UBE2E2: variants seen among roughly 807,000 people sequenced by gnomAD.
UBE2E2 encodes the protein ubiquitin-conjugating enzyme E2 E2.
In UBE2E2, 6 loss-of-function variants were observed where a neutral mutation model predicts 24.7. The observed-to-expected ratio is 0.24, with a 90% CI of 0.13 to 0.48. UBE2E2 has a LOEUF of 0.48. Ranked by LOEUF, UBE2E2 falls within the 20% of genes least tolerant of loss-of-function variation. The probability of loss-of-function intolerance (pLI) is 0.99; values close to 1 mark genes in which losing one functional copy is unlikely to be tolerated. For missense variants in UBE2E2, 169 were observed against 245.0 expected (o/e 0.69, Z 2.07); for synonymous variants, 104 against 83.6 (o/e 1.24, Z -1.33).
chr3:23,409,881 A>G (rs1697458774), intron 3 of UBE2E2, among the ~76,000 whole-genome samples: 1 of 152,144 alleles, frequency 6.6e-6, no homozygotes, highest in African/African-American at 2.4e-5. Flanking sequence ...GTCATCACAC[A>G]GCCTTTTTCC....
chr3:23,553,780 C>G (rs1184245587), intron 5 of UBE2E2, among the ~76,000 whole-genome samples: 3 of 151,976 alleles, frequency 2.0e-5, no homozygotes, highest in African/African-American at 7.3e-5. Flanking sequence ...GAAAAGAAAT[C>G]AAAACAATCC....
chr3:23,517,168 T>A (rs535039820), intron 4 of UBE2E2, among the ~76,000 whole-genome samples: 1 of 152,160 alleles, frequency 6.6e-6, no homozygotes, highest in Non-Finnish European at 1.5e-5. Flanking sequence ...TTGAACTGTT[T>A]ATTTGAAGTA....
At chr3:23,355,146 T>G (rs926185510) in intron 3 of UBE2E2, among the ~76,000 whole-genome samples, 6 of 149,116 alleles carry the variant, frequency 4.0e-5, no homozygotes, top group Non-Finnish European at 7.4e-5. Flanking sequence ...AACAAACACC[T>G]CATGTTCTCA....
At chr3:23,568,780 C>A in intron 5 of UBE2E2, among the ~76,000 whole-genome samples, 1 of 145,852 alleles carries the variant, frequency 6.9e-6, no homozygotes, top group Non-Finnish European at 1.5e-5. Context: ...ACCTGGATAC[C>A]TGGTGGGTAT....
chr3:23,571,280 C>CTTTCTTTTTTTTTTTTTTTTT (rs1696218039), intron 5 of UBE2E2, among the ~76,000 whole-genome samples: 16 of 29,882 alleles, frequency 5.4e-4, no homozygotes, highest in Admixed American at 1.4e-3. Context: ...GTGCTCCTTT[C>CTTTCTTTTTTTTTTTTTTTTT]TTTTTTTTTT....
At chr3:23,292,161 T>C (rs1447473413) in intron 3 of UBE2E2, among the ~76,000 whole-genome samples, 2 of 152,066 alleles carry the variant, frequency 1.3e-5, no homozygotes, top group African/African-American at 4.8e-5. Context: ...GTATTTTTAG[T>C]AGGGATGGGG....
chr3:23,554,122 TC>T (rs1483583104), intron 5 of UBE2E2, among the ~76,000 whole-genome samples: 1 of 152,116 alleles, frequency 6.6e-6, no homozygotes, highest in Non-Finnish European at 1.5e-5. Context: ...ATATCACACT[TC>T]CTAATTTTAA....
At chr3:23,270,342 A>G (rs1329863709) in intron 3 of UBE2E2, among the ~76,000 whole-genome samples, 1 of 151,864 alleles carries the variant, frequency 6.6e-6, no homozygotes, top group East Asian at 1.9e-4. Flanking sequence ...GCGATGGTGT[A>G]TTTTGTGCAC....
At chr3:23,423,618 C>G (rs1039465457) in intron 3 of UBE2E2, among the ~76,000 whole-genome samples, 1 of 152,092 alleles carries the variant, frequency 6.6e-6, no homozygotes, top group Non-Finnish European at 1.5e-5. Flanking sequence ...ATGCCATAAT[C>G]TATATAATGC....
intron 3 of UBE2E2, among the ~76,000 whole-genome samples, chr3:23,321,440 C>G (rs1029844893): frequency 1.3e-5 from 2 of 151,844 alleles, no homozygotes; most frequent in Non-Finnish European, 1.5e-5. Context: ...GCAAAACAGG[C>G]ATTGCCTGGC....
intron 3 of UBE2E2, among the ~76,000 whole-genome samples, chr3:23,405,267 T>C (rs1443227125): frequency 2.0e-5 from 3 of 152,214 alleles, no homozygotes; most frequent in Non-Finnish European, 4.4e-5. Flanking sequence ...CTTTGTATCA[T>C]TTTTTAAAAA....
chr3:23,540,639 G>C (rs905096482), intron 5 of UBE2E2, among the ~76,000 whole-genome samples: 1 of 152,048 alleles, frequency 6.6e-6, no homozygotes, highest in East Asian at 1.9e-4. Flanking sequence ...TCCTGACCTC[G>C]TGATCCTCCT....
chr3:23,352,496 T>C (rs1020262078), intron 3 of UBE2E2, among the ~76,000 whole-genome samples: 1 of 151,398 alleles, frequency 6.6e-6, no homozygotes, highest in African/African-American at 2.4e-5. Context: ...GCAAGACTAA[T>C]AAAGAAGAAA....
At chr3:23,283,099 A>G (rs1698524943) in intron 3 of UBE2E2, among the ~76,000 whole-genome samples, 1 of 152,196 alleles carries the variant, frequency 6.6e-6, no homozygotes, top group Admixed American at 6.5e-5. Flanking sequence ...TGGTTTTCTG[A>G]TTAAAATTCT....
intron 5 of UBE2E2, among the ~76,000 whole-genome samples, chr3:23,541,090 C>T (rs1290873034): frequency 6.6e-6 from 1 of 152,224 alleles, no homozygotes; most frequent in Non-Finnish European, 1.5e-5. Flanking sequence ...GTGGACAAAA[C>T]ATCCAGATGA....
chr3:23,218,546 T>C (rs1018605206), intron 3 of UBE2E2, among the ~76,000 whole-genome samples: 1 of 152,004 alleles, frequency 6.6e-6, no homozygotes, highest in Admixed American at 6.6e-5. Context: ...GTTTTAATGG[T>C]CTGAATCTTT....
At chr3:23,457,635 C>T (rs1399311147) in intron 3 of UBE2E2, among the ~76,000 whole-genome samples, 1 of 152,166 alleles carries the variant, frequency 6.6e-6, no homozygotes, top group Non-Finnish European at 1.5e-5. Flanking sequence ...AGCTCCTCAG[C>T]CTCTCAGGTA....
intron 5 of UBE2E2, among the ~76,000 whole-genome samples, chr3:23,577,543 G>A (rs1696372515): frequency 6.6e-6 from 1 of 152,148 alleles, no homozygotes; most frequent in Non-Finnish European, 1.5e-5. Flanking sequence ...TAAAAAAGAA[G>A]CCATCTTCCT....
chr3:23,558,782 C>T (rs1004025982), intron 5 of UBE2E2, among the ~76,000 whole-genome samples: 1 of 152,084 alleles, frequency 6.6e-6, no homozygotes, highest in African/African-American at 2.4e-5. Context: ...TATTTATTGC[C>T]AGGCACAGTG....
Sources: allele counts gnomAD v4.1 joint callset (sites outside exome capture counted in the v4.1 genomes callset), GRCh38; gene constraint gnomAD v4.1.1; transcripts MANE v1.5; gene names NCBI Gene and HGNC (gene_info 2026-07-23, HGNC 2026-07-21).